Variants in STAM observed in about 807,000 individuals in gnomAD.
The protein encoded by STAM is signal transducing adaptor molecule.
A neutral mutation model predicts 63.4 loss-of-function variants in STAM; 16 were observed. The observed-to-expected ratio is 0.25, with a 90% CI of 0.17 to 0.38. The LOEUF (loss-of-function observed/expected upper bound fraction) is 0.38, where lower values mean the gene tolerates loss of function less well. Among genes scored for constraint, STAM ranks in the 10% least tolerant of loss-of-function variants. The pLI, the probability that STAM is intolerant of heterozygous loss-of-function variation, is 1.00. For synonymous variants in STAM, 238 were observed against 223.9 expected, an observed-to-expected ratio of 1.06 and a Z score of -0.56; for missense variants, 636 against 657.1, an observed-to-expected ratio of 0.97 and a Z score of 0.35.
intron 2 of STAM, among the ~76,000 whole-genome samples, chr10:17,661,692 C>G (rs1181778749): frequency 6.6e-6 from 1 of 152,166 alleles, no homozygotes; most frequent in Non-Finnish European, 1.5e-5. Context: ...ACTTGAGTCA[C>G]CTTCACATTT....
intron 2 of STAM, among the ~76,000 whole-genome samples, chr10:17,661,002 A>G (rs1338505056): frequency 6.6e-6 from 1 of 152,062 alleles, no homozygotes; most frequent in African/African-American, 2.4e-5. Context: ...ACCAAGTTTC[A>G]TGGTTATTTA....
intron 2 of STAM, among the ~76,000 whole-genome samples, chr10:17,675,967 T>A (rs1834839026): frequency 6.6e-6 from 1 of 152,132 alleles, no homozygotes; most frequent in Admixed American, 6.5e-5. Flanking sequence ...ACACGATGAA[T>A]GGGCAAAAAT....
In STAM at chr10:17,714,853, T is replaced by A; in HGVS notation, c.*73T>A. On this transcript the variant is annotated 3_prime_UTR_variant, in exon 14 of 14. Coordinates refer to ENST00000377524, the MANE Select transcript of STAM (RefSeq NM_003473.4). ...AATGTTATGAGATTCATTACTATCT[T>A]AAGATGTGTTTATCCTCAGCTTATA... 7.4e-7 allele frequency: 1 copy of A among 1,357,522 alleles called. No individual in the cohort carries two copies. Among genetic ancestry groups the A allele is most frequent in the Non-Finnish European group, 1.1e-6 (1 of 949,428 alleles). 84.1% of individuals were successfully genotyped at this position (1,357,522 alleles called of 1,614,324 possible). A position where few individuals can be genotyped will look rare whatever the true frequency, so the allele number is the denominator to read the frequency against.
chr10:17,647,751 A>G (rs1412540433), intron 1 of STAM, among the ~76,000 whole-genome samples: 1 of 152,146 alleles, frequency 6.6e-6, no homozygotes, highest in Non-Finnish European at 1.5e-5. Flanking sequence ...ACTTAGAAAA[A>G]TTTCTGTACT....
Position 17,704,493 on chromosome 10 carries a change from C to T in STAM, c.975C>T (p.Asp325=). ...CAGACCCCAGTGATGATCAGCCAGA[C>T]CTACCAGAGCTGCTTCATCTTGAAG... ...QSTDPSDDQP[D]LPELLHLEAM... is the part of the protein sequence containing the mutation. Residue 325 remains aspartate (D), a synonymous_variant, in exon 10 of 14, where the codon GAC becomes GAT. Coordinates refer to ENST00000377524, the MANE Select transcript of STAM (RefSeq NM_003473.4). 2 of 1,614,056 alleles carry T rather than the reference C, an allele frequency of 1.2e-6. No individual in the cohort carries two copies. The highest frequency in any genetic ancestry group is 1.7e-6 in the Non-Finnish European group (2 of 1,179,972).
intron 2 of STAM, among the ~76,000 whole-genome samples, chr10:17,666,280 A>G (rs1217048475): frequency 6.6e-6 from 1 of 152,198 alleles, no homozygotes; most frequent in Non-Finnish European, 1.5e-5. Flanking sequence ...AATTTATTCT[A>G]ACAGAATGAG....
intron 5 of STAM, among the ~76,000 whole-genome samples, chr10:17,688,521 A>G (rs782710758): frequency 6.6e-6 from 1 of 152,076 alleles, no homozygotes; most frequent in East Asian, 1.9e-4. Flanking sequence ...AGAGTGCAGT[A>G]GCGTGATCTC....
chr10:17,703,726 A>G (rs1267631151), intron 9 of STAM, among the ~76,000 whole-genome samples: 1 of 152,208 alleles, frequency 6.6e-6, no homozygotes, highest in Non-Finnish European at 1.5e-5. Context: ...TCTCCCAAAT[A>G]GGAAAATAGA....
At chr10:17,661,356 T>TTGCCAG (rs1834158675) in intron 2 of STAM, among the ~76,000 whole-genome samples, 1 of 152,214 alleles carries the variant, frequency 6.6e-6, no homozygotes, top group Non-Finnish European at 1.5e-5. Context: ...TATGAAGCCT[T>TTGCCAG]TGCCAGTGTC....
intron 12 of STAM, among the ~76,000 whole-genome samples, chr10:17,708,408 C>G (rs1293017723): frequency 6.6e-6 from 1 of 152,108 alleles, no homozygotes; most frequent in African/African-American, 2.4e-5. Flanking sequence ...TCTATGGCTA[C>G]AAAACAATGA....
chr10:17,715,027 T>C lies in STAM; in HGVS notation c.*247T>C, dbSNP rs1589125174. 3 of 492,924 alleles carry C rather than the reference T, an allele frequency of 6.1e-6. No individual in the cohort carries two copies. The highest frequency in any genetic ancestry group is 3.3e-5 in the Admixed American group (1 of 29,948). 30.5% of individuals were successfully genotyped at this position (492,924 alleles called of 1,614,324 possible). On this transcript the variant is annotated 3_prime_UTR_variant, in exon 14 of 14. Coordinates refer to ENST00000377524, the MANE Select transcript of STAM (RefSeq NM_003473.4). ...TAATTCCTTTCATAATATGAAAGAA[T>C]TGATACAAGGCTATTTGTCTCGTAA...
At chr10:17,669,761 A>G (rs1478099277) in intron 2 of STAM, among the ~76,000 whole-genome samples, 3 of 149,674 alleles carry the variant, frequency 2.0e-5, no homozygotes, top group African/African-American at 7.4e-5. Flanking sequence ...GCAGTGGCGC[A>G]ATCTCAGCTC....
chr10:17,696,757 G>T lies in STAM; in HGVS notation c.729-18G>T, dbSNP rs186927896. The stretch of plus-strand genomic sequence containing the variant: ...AATACATTTGTTATGGTAAAGCATT[G>T]TTTTTTGTTTGTCATAGTGATCCTA... On this transcript the variant is annotated intron_variant, in intron 7 of 13. Transcript: ENST00000377524. 2.6e-6 allele frequency: 4 copies of T among 1,549,668 alleles called. No homozygotes were observed. The highest frequency in any genetic ancestry group is 3.4e-5 in the Admixed American group (2 of 59,620).
At chr10:17,696,904 T>C (rs782465693) in intron 8 of STAM, 35 bp downstream of exon 8, 153 of 1,524,116 alleles carry the variant, frequency 1.0e-4, no homozygotes, top group Non-Finnish European at 2.9e-5. Flanking sequence ...AAATGATGTT[T>C]TCTAATCCTT....
intron 13 of STAM, among the ~76,000 whole-genome samples, chr10:17,709,688 T>G (rs1836467131): frequency 6.6e-6 from 1 of 151,980 alleles, no homozygotes; most frequent in Non-Finnish European, 1.5e-5. Context: ...GCAACAGAAG[T>G]TTCTAGGTAG....
At chr10:17,686,176 T>G (rs781924218) in intron 4 of STAM, among the ~76,000 whole-genome samples, 3 of 152,210 alleles carry the variant, frequency 2.0e-5, no homozygotes, top group Non-Finnish European at 4.4e-5. Context: ...GTCCTGAATG[T>G]CCATCGAGAT....
chr10:17,677,560 C>A (rs1252797327), intron 2 of STAM, among the ~76,000 whole-genome samples: 1 of 152,040 alleles, frequency 6.6e-6, no homozygotes, highest in Non-Finnish European at 1.5e-5. Flanking sequence ...AAAATAAGTC[C>A]AACTGTGAAA....
chr10:17,651,736 T>C (rs995752955), intron 1 of STAM, among the ~76,000 whole-genome samples: 12 of 152,310 alleles, frequency 7.9e-5, no homozygotes, highest in African/African-American at 2.9e-4. Flanking sequence ...AGATGAAAGA[T>C]TTTTGAAGAA....
intron 6 of STAM, 52 bp from the exon 7 acceptor site, chr10:17,694,997 G>C: frequency 6.5e-7 from 1 of 1,540,848 alleles, no homozygotes; most frequent in East Asian, 2.3e-5. Context: ...TACTTCTTCA[G>C]ACTGTTGGAT....
Sources: allele counts gnomAD v4.1 joint callset (sites outside exome capture counted in the v4.1 genomes callset), GRCh38; gene constraint gnomAD v4.1.1; transcripts MANE v1.5; gene names NCBI Gene and HGNC (gene_info 2026-07-23, HGNC 2026-07-21).